ETF1: variants seen among roughly 807,000 people sequenced by gnomAD.
The protein encoded by ETF1 is eukaryotic peptide chain release factor subunit 1.
In ETF1, 4 loss-of-function variants were observed where a neutral mutation model predicts 55.1. That is an observed-to-expected ratio of 0.07 (90% CI 0.04 to 0.17). The LOEUF (loss-of-function observed/expected upper bound fraction) is 0.17. ETF1 is among the 10% of genes least tolerant of loss of function. The pLI is 1.00. For synonymous variants in ETF1, 157 were observed against 182.3 expected (o/e 0.86, Z 1.12); for missense variants, 142 against 523.6 (o/e 0.27, Z 7.11).
chr5:138,523,407 G>A (rs931671909), intron 2 of ETF1, among the ~76,000 whole-genome samples: 1 of 152,090 alleles, frequency 6.6e-6, no homozygotes, highest in Non-Finnish European at 1.5e-5. Flanking sequence ...GGTGGCATGT[G>A]CCTGTAGTCC....
At chr5:138,536,097 T>C (rs1336683454) in intron 2 of ETF1, among the ~76,000 whole-genome samples, 1 of 152,174 alleles carries the variant, frequency 6.6e-6, no homozygotes, top group Non-Finnish European at 1.5e-5. Flanking sequence ...CCCATTAGCT[T>C]ACTGGTTAAT....
chr5:138,515,374 G>A (rs1414701003), intron 4 of ETF1, among the ~76,000 whole-genome samples: 1 of 152,128 alleles, frequency 6.6e-6, no homozygotes, highest in Non-Finnish European at 1.5e-5. Context: ...GCAAGGAGCC[G>A]AGATCGTGCC....
At chr5:138,532,521 C>G (rs931541179) in intron 2 of ETF1, among the ~76,000 whole-genome samples, 3 of 152,174 alleles carry the variant, frequency 2.0e-5, no homozygotes, top group African/African-American at 7.2e-5. Context: ...ACTATCGCCT[C>G]CCCTCCACCA....
At chr5:138,542,595 G>C in intron 2 of ETF1, 1 of 1,395,142 alleles carries the variant, frequency 7.2e-7, no homozygotes, top group Non-Finnish European at 9.3e-7. Context: ...ACCACGAGGG[G>C]GGCCGAGTGA....
rs560188188 is a variant in ETF1, at chr5:138,533,902, C to G, written c.86+8931G>C. ...GTTGATCCTCACATTAATGCCACCC[C>G]ACTCCCTCTGCTACTACCATCTATG... is the stretch of plus-strand genomic sequence containing the variant. On this transcript the variant is annotated intron_variant, in intron 2 of 10. Transcript: ENST00000360541. Among the ~76,000 whole-genome samples, 435 of 152,222 alleles carry G rather than the reference C, an allele frequency of 2.9e-3. 4 individuals carry two copies. The highest frequency in any genetic ancestry group is 9.9e-3 in the African/African-American group (409 of 41,514).
chr5:138,533,228 C>T (rs763327337), intron 2 of ETF1, among the ~76,000 whole-genome samples: 1 of 151,794 alleles, frequency 6.6e-6, no homozygotes, highest in Non-Finnish European at 1.5e-5. Context: ...GCCACCGGGC[C>T]CAGCCCAAGT....
chr5:138,539,491 G>A (rs1181012285), intron 2 of ETF1, among the ~76,000 whole-genome samples: 1 of 152,158 alleles, frequency 6.6e-6, no homozygotes, highest in Non-Finnish European at 1.5e-5. Context: ...ATCATGAACA[G>A]GGAAGAACTA....
chr5:138,511,981 T>C, intron 6 of ETF1: 1 of 683,010 alleles, frequency 1.5e-6, no homozygotes. Context: ...GCAGACAGCT[T>C]GAGTCCAGGA....
At chr5:138,518,590 C>A in intron 3 of ETF1, 102 bp downstream of exon 3, 4 of 986,834 alleles carry the variant, frequency 4.1e-6, no homozygotes, top group Admixed American at 4.8e-5. Flanking sequence ...CTGATGACAG[C>A]CGACTTAAGG....
chr5:138,522,273 T>TA, intron 2 of ETF1, among the ~76,000 whole-genome samples: 1 of 152,178 alleles, frequency 6.6e-6, no homozygotes, highest in South Asian at 2.1e-4. Flanking sequence ...GTAAAGAATA[T>TA]AAAGAATATG....
intron 3 of ETF1, chr5:138,518,085 C>T (rs1477259288): frequency 6.5e-6 from 1 of 153,356 alleles, no homozygotes; most frequent in Non-Finnish European, 1.4e-5. Flanking sequence ...ACCTGTAGTC[C>T]CAGCTACTCG....
intron 2 of ETF1, among the ~76,000 whole-genome samples, chr5:138,526,928 C>T (rs1411631224): frequency 6.6e-6 from 1 of 152,072 alleles, no homozygotes; most frequent in Admixed American, 6.6e-5. Context: ...TCTCGATCTC[C>T]CGACCTTGTG....
chr5:138,531,574 G>C (rs1258627171), intron 2 of ETF1, among the ~76,000 whole-genome samples: 1 of 152,168 alleles, frequency 6.6e-6, no homozygotes, highest in Admixed American at 6.5e-5. Flanking sequence ...GTTAGGACCA[G>C]GAACGTTTTA....
rs374277794 is a variant in ETF1, at chr5:138,509,102, T to C, written c.1084-286A>G. The C allele has an allele frequency of 1.8e-5, 18 of 985,012 alleles. No homozygotes were observed. The African/African-American group carries it at 3.1e-4, about 17-fold the overall frequency. The allele number at this position is 985,012 out of a possible 1,614,324, so 61.0% of individuals were successfully genotyped here. A position where few individuals can be genotyped will look rare whatever the true frequency, so the allele number is the denominator to read the frequency against. Reference sequence around the variant, plus strand: ...AGCTTATGATTCCTACTGTTGACTCTAGAAGTCAGGCTGTTGTAGTGTCTC... The same window carrying C: ...AGCTTATGATTCCTACTGTTGACTCCAGAAGTCAGGCTGTTGTAGTGTCTC... On this transcript the variant is annotated intron_variant, in intron 9 of 10. Coordinates refer to ENST00000360541, the MANE Select transcript of ETF1 (RefSeq NM_004730.4).
chr5:138,516,413 G>C (rs1765020489), intron 4 of ETF1, among the ~76,000 whole-genome samples: 1 of 152,110 alleles, frequency 6.6e-6, no homozygotes, highest in Non-Finnish European at 1.5e-5. Flanking sequence ...GAAGCGAGCA[G>C]ATCACTTGAG....
chr5:138,541,534 T>G, intron 2 of ETF1: 1 of 1,534,276 alleles, frequency 6.5e-7, no homozygotes, highest in Non-Finnish European at 8.7e-7. Flanking sequence ...AATTGGGCCT[T>G]CAGTACAATT....
chr5:138,518,354 G>T (rs1765106972), intron 3 of ETF1, among the ~76,000 whole-genome samples: 5 of 152,054 alleles, frequency 3.3e-5, no homozygotes, highest in Admixed American at 2.6e-4. Flanking sequence ...GGGACTACAG[G>T]TGTGTGCCAC....
chr5:138,532,475 T>C (rs1272340263), intron 2 of ETF1, among the ~76,000 whole-genome samples: 1 of 152,156 alleles, frequency 6.6e-6, no homozygotes, highest in Non-Finnish European at 1.5e-5. Flanking sequence ...TAGTAACTGA[T>C]CACTAAATGG....
chr5:138,517,227 T>C (rs1201883970), intron 4 of ETF1, among the ~76,000 whole-genome samples: 5 of 151,790 alleles, frequency 3.3e-5, no homozygotes, highest in Non-Finnish European at 7.4e-5. Flanking sequence ...AAAAATTAGC[T>C]GGGTGTGGTG....
Sources: gnomAD v4.1 joint callset for allele counts (sites outside exome capture counted in the v4.1 genomes callset) on GRCh38, gnomAD v4.1.1 for gene constraint, MANE v1.5 for transcripts, NCBI Gene and HGNC (gene_info 2026-07-23, HGNC 2026-07-21) for gene names.